Variants in ARHGAP32 observed in about 807,000 individuals in gnomAD.
The protein encoded by ARHGAP32 is rho GTPase-activating protein 32.
Under a neutral mutation model 186.5 loss-of-function variants are expected in ARHGAP32, and 51 were observed. That is an observed-to-expected ratio of 0.27 (90% confidence interval 0.22 to 0.35). The LOEUF (loss-of-function observed/expected upper bound fraction) is 0.35, where lower values mean the gene tolerates loss of function less well. Ranked by LOEUF, ARHGAP32 falls within the 10% of genes least tolerant of loss-of-function variation. The pLI is 1.00. For missense variants in ARHGAP32, 2,186 were observed against 2,623.5 expected (o/e 0.83, Z 3.64); for synonymous variants, 950 against 964.3 (o/e 0.99, Z 0.27).
At chr11:129,073,590 A>C (rs1940938707) in intron 6 of ARHGAP32, among the ~76,000 whole-genome samples, 1 of 152,106 alleles carries the variant, frequency 6.6e-6, no homozygotes, top group Admixed American at 6.6e-5. Context: ...AATTGTGGGA[A>C]AACTATAAAA....
rs995292528 is a variant in ARHGAP32, at chr11:128,977,724, T to C, written c.2122+1046A>G. ...CTATGTCTTGCTTTGTCATCCAGGCTGGAGTGCAGTGGCACAACCATAGCT... is the reference window on the plus strand; with the variant it reads ...CTATGTCTTGCTTTGTCATCCAGGCCGGAGTGCAGTGGCACAACCATAGCT... On this transcript the variant is annotated intron_variant, in intron 19 of 22. Transcript: ENST00000682385. Among the ~76,000 whole-genome samples the C allele has an allele frequency of 5.3e-5, 8 of 152,198 alleles. No homozygotes were observed. In the East Asian group the frequency reaches 1.4e-3, roughly 26 times the overall value.
chr11:129,148,629 G>A (rs929329005), intron 2 of ARHGAP32, among the ~76,000 whole-genome samples: 6 of 152,134 alleles, frequency 3.9e-5, no homozygotes, highest in Non-Finnish European at 8.8e-5. Flanking sequence ...CAGAATCTGG[G>A]AGGCAAACAG....
intron 1 of ARHGAP32, among the ~76,000 whole-genome samples, chr11:129,274,742 GATCT>G (rs1034573805): frequency 6.6e-5 from 10 of 151,608 alleles, no homozygotes; most frequent in South Asian, 2.1e-4. Context: ...TAGTAAACTA[GATCT>G]ATTTAGAAAA....
chr11:129,192,852 G>A (rs1944295666), upstream of ARHGAP32, among the ~76,000 whole-genome samples: 4 of 152,130 alleles, frequency 2.6e-5, no homozygotes, highest in Admixed American at 1.3e-4. Flanking sequence ...AAAGAAAAAA[G>A]TTTAAGTGTC....
At chr11:129,161,297 T>C (rs867860200) in intron 2 of ARHGAP32, among the ~76,000 whole-genome samples, 4 of 151,536 alleles carry the variant, frequency 2.6e-5, no homozygotes, top group Non-Finnish European at 5.9e-5. Flanking sequence ...AAAGCCAAAA[T>C]TGACAAATGG....
At chr11:129,044,368 T>C (rs1368248117) in intron 10 of ARHGAP32, among the ~76,000 whole-genome samples, 1 of 152,202 alleles carries the variant, frequency 6.6e-6, no homozygotes, top group Non-Finnish European at 1.5e-5. Context: ...CGTGGCAATT[T>C]CTAAAGCTTT....
At chr11:128,982,531 G>T (rs1053917433) in intron 15 of ARHGAP32, among the ~76,000 whole-genome samples, 1 of 150,232 alleles carries the variant, frequency 6.7e-6, no homozygotes, top group African/African-American at 2.4e-5. Context: ...ACACACAGAG[G>T]TATTATCTAT....
At chr11:129,260,277 T>C (rs1235323373) in intron 1 of ARHGAP32, among the ~76,000 whole-genome samples, 1 of 152,152 alleles carries the variant, frequency 6.6e-6, no homozygotes, top group Non-Finnish European at 1.5e-5. Context: ...ACAAATAACA[T>C]CACTGGCGGC....
At position 129,029,322 on chromosome 11, in the gene ARHGAP32, G is replaced by C. The variant is rs191674799; in HGVS notation, c.1045+11606C>G. On this transcript the variant is annotated intron_variant, in intron 11 of 22. Coordinates refer to ENST00000682385, the MANE Select transcript of ARHGAP32 (RefSeq NM_001378024.1). ...AAGGTTCTATAGTGGGCAGAATTCT[G>C]GGTTTTGCATTAACTACCTGCACAC... Among the ~76,000 whole-genome samples, 46 of 152,300 alleles carry C rather than the reference G, an allele frequency of 3.0e-4. No homozygotes were observed. In the East Asian group the frequency reaches 8.5e-3, roughly 28 times the overall value.
chr11:129,108,767 C>T (rs1202868120), intron 5 of ARHGAP32, among the ~76,000 whole-genome samples: 1 of 152,088 alleles, frequency 6.6e-6, no homozygotes, highest in Non-Finnish European at 1.5e-5. Context: ...TTGATAGTGT[C>T]TTTGAATGCA....
intron 11 of ARHGAP32, among the ~76,000 whole-genome samples, chr11:129,034,728 C>CAAA (rs767897442): frequency 2.8e-5 from 2 of 72,586 alleles, no homozygotes; most frequent in Non-Finnish European, 5.8e-5. Flanking sequence ...AAACTGAAAA[C>CAAA]AAAAAAAAAA....
chr11:128,995,053 AAAGC>A (rs1193454977), intron 12 of ARHGAP32, among the ~76,000 whole-genome samples: 2 of 152,156 alleles, frequency 1.3e-5, no homozygotes, highest in Non-Finnish European at 2.9e-5. Context: ...TTTAATTGAA[AAAGC>A]AAGACAACTA....
intron 10 of ARHGAP32, among the ~76,000 whole-genome samples, chr11:129,045,411 C>A (rs1384270163): frequency 6.6e-6 from 1 of 152,174 alleles, no homozygotes; most frequent in Non-Finnish European, 1.5e-5. Flanking sequence ...CAAAATCACT[C>A]CTAAACATCA....
chr11:128,994,077 C>T (rs1354783714), intron 12 of ARHGAP32, among the ~76,000 whole-genome samples: 1 of 152,086 alleles, frequency 6.6e-6, no homozygotes. Context: ...ACTGAAACTT[C>T]TAAGTACAAC....
At chr11:129,088,995 C>CAA (rs10601798) in intron 6 of ARHGAP32, among the ~76,000 whole-genome samples, 188 of 83,960 alleles carry the variant, frequency 2.2e-3, no homozygotes, top group African/African-American at 3.0e-3. Context: ...GAGACCTTGT[C>CAA]AAAAAAAAAA....
At chr11:129,135,509 TG>T (rs1942916631) in intron 2 of ARHGAP32, among the ~76,000 whole-genome samples, 1 of 152,202 alleles carries the variant, frequency 6.6e-6, no homozygotes, top group Admixed American at 6.5e-5. Flanking sequence ...GGCTCACGCC[TG>T]TAATCCCAGC....
chr11:129,052,392 T>G (rs1236972091), intron 10 of ARHGAP32, among the ~76,000 whole-genome samples: 4 of 152,346 alleles, frequency 2.6e-5, no homozygotes, highest in South Asian at 4.1e-4. Context: ...TTCCAGGTCC[T>G]TTGCATTTCC....
chr11:129,251,342 A>G (rs1357342849), intron 1 of ARHGAP32, among the ~76,000 whole-genome samples: 1 of 152,228 alleles, frequency 6.6e-6, no homozygotes, highest in Non-Finnish European at 1.5e-5. Context: ...ACAGAACCTT[A>G]GAACAGCCTA....
exon 1 of ARHGAP32, chr11:129,279,157 GC>G (rs1167507998): frequency 1.4e-5 from 2 of 145,668 alleles, no homozygotes; most frequent in Non-Finnish European, 3.1e-5. Context: ...GAGCCCCGCG[GC>G]CCCGCCGCGC....
Sources: allele counts gnomAD v4.1 joint callset (sites outside exome capture counted in the v4.1 genomes callset), GRCh38; gene constraint gnomAD v4.1.1; transcripts MANE v1.5; gene names NCBI Gene and HGNC (gene_info 2026-07-23, HGNC 2026-07-21).